ERC1: variants seen among roughly 807,000 people sequenced by gnomAD.
ERC1 encodes RAB6 interacting protein 2.
ERC1 carries 56 observed loss-of-function variants against 132.0 expected under a neutral mutation model. That is an observed-to-expected ratio of 0.42 (90% CI 0.34 to 0.53). The LOEUF (loss-of-function observed/expected upper bound fraction) is 0.53. Among genes scored for constraint, ERC1 ranks in the 20% least tolerant of loss-of-function variants. The pLI, the probability that ERC1 is intolerant of heterozygous loss-of-function variation, is 0.03. For synonymous variants in ERC1, 478 were observed against 476.1 expected, an observed-to-expected ratio of 1.00 and a Z score of -0.05; for missense variants, 1,202 against 1,349.9, an observed-to-expected ratio of 0.89 and a Z score of 1.72.
intron 14 of ERC1, among the ~76,000 whole-genome samples, chr12:1,286,528 G>A (rs535744768): frequency 2.0e-5 from 3 of 151,992 alleles, no homozygotes; most frequent in Non-Finnish European, 4.4e-5. Flanking sequence ...TTTAAAGATA[G>A]GAATAAAATA....
At chr12:1,366,405 TGAAAG>T (rs927831725) in intron 15 of ERC1, among the ~76,000 whole-genome samples, 3 of 152,162 alleles carry the variant, frequency 2.0e-5, no homozygotes, top group Non-Finnish European at 4.4e-5. Context: ...ATGTAAGTGC[TGAAAG>T]GAGATGCTGA....
At chr12:1,153,653 A>G (rs1486196478) in intron 8 of ERC1, among the ~76,000 whole-genome samples, 1 of 152,252 alleles carries the variant, frequency 6.6e-6, no homozygotes, top group African/African-American at 2.4e-5. Context: ...CAAAGCTTGA[A>G]GAATGCATGA....
intron 2 of ERC1, among the ~76,000 whole-genome samples, chr12:1,057,527 C>CT (rs35389600): frequency 0.044 from 6,188 of 141,796 alleles, 217 homozygotes; most frequent in African/African-American, 0.1. Context: ...TTTTATTGTA[C>CT]TTTTTTTTTA....
intron 8 of ERC1, among the ~76,000 whole-genome samples, chr12:1,165,563 C>T (rs966415006): frequency 1.6e-4 from 25 of 152,008 alleles, no homozygotes; most frequent in African/African-American, 6.0e-4. Flanking sequence ...GCCTCGGCCT[C>T]CCAAAGTGCT....
At chr12:1,308,316 C>G (rs1204582120) in intron 15 of ERC1, among the ~76,000 whole-genome samples, 2 of 150,480 alleles carry the variant, frequency 1.3e-5, no homozygotes, top group Non-Finnish European at 2.9e-5. Context: ...AAATAAAGAC[C>G]TGAGATAAAG....
intron 8 of ERC1, among the ~76,000 whole-genome samples, chr12:1,173,519 A>G (rs536261275): frequency 6.6e-6 from 1 of 152,232 alleles, no homozygotes; most frequent in African/African-American, 2.4e-5. Flanking sequence ...TTTTATCTTT[A>G]TGTTCTAGTA....
At chr12:1,057,978 T>C (rs1412348157) in intron 2 of ERC1, among the ~76,000 whole-genome samples, 2 of 152,174 alleles carry the variant, frequency 1.3e-5, no homozygotes, top group Admixed American at 6.5e-5. Context: ...TTAGATCCTT[T>C]GCCCATTTTA....
chr12:1,083,239 G>A lies in ERC1; in HGVS notation c.745G>A (p.Asp249Asn), dbSNP rs1419851982. Residue 249 changes from aspartate to asparagine, a missense_variant, in exon 3 of 19, where the codon GAT becomes AAT. Transcript: ENST00000360905. ...GGACCTGAATCAGCTGTTTCAGCAG[G>A]ATAGTAGCAGCAGGACTGGCGAACC... Reference protein sequence around the residue: ...QRDLNQLFQQDSSSRTGEPCV... With the variant: ...QRDLNQLFQQNSSSRTGEPCV... 3 of 1,614,102 alleles carry A rather than the reference G, an allele frequency of 1.9e-6. No individual in the cohort carries two copies. In the Admixed American group the frequency reaches 5.0e-5, roughly 27 times the overall value.
Position 1,317,411 on chromosome 12 carries a change from G to C in ERC1, c.2780+27399G>C, listed in dbSNP as rs145497788. Among the ~76,000 whole-genome samples, 842 of 152,160 alleles carry C rather than the reference G, an allele frequency of 5.5e-3. 9 individuals carry two copies. Among genetic ancestry groups the C allele is most frequent in the African/African-American group, 0.019 (801 of 41,500 alleles). The stretch of plus-strand genomic sequence containing the variant: ...ACACACGGCCTGTCGGGGGATCAGG[G>C]GCTAGGAAAGGGATAGCATTAGGAG... On this transcript the variant is annotated intron_variant, in intron 15 of 18. Transcript: ENST00000360905.
rs58573421 is a variant in ERC1 at position 1,440,428 on chromosome 12, G to T, written c.3025-4134G>T. On this transcript the variant is annotated intron_variant, in intron 17 of 18. Transcript: ENST00000360905. ...TCACCGTGTTAGCCAGGATGGTCTC[G>T]ATCTCCTGACCTCGTGATCTGCCCT... Among the ~76,000 whole-genome samples, 166 of 149,132 alleles carry T rather than the reference G, an allele frequency of 1.1e-3. 12 individuals are homozygous for T. The highest frequency in any genetic ancestry group is 3.6e-3 in the African/African-American group (143 of 40,188).
intron 7 of ERC1, among the ~76,000 whole-genome samples, chr12:1,126,242 GA>G (rs774468827): frequency 2.6e-5 from 4 of 152,178 alleles, no homozygotes; most frequent in African/African-American, 4.8e-5. Context: ...TGTGAGACAT[GA>G]AAATACAGAG....
intron 14 of ERC1, among the ~76,000 whole-genome samples, chr12:1,271,741 T>G (rs2077872615): frequency 6.6e-6 from 1 of 152,210 alleles, no homozygotes; most frequent in African/African-American, 2.4e-5. Context: ...AGATCCAAAG[T>G]TATGAAATAG....
chr12:1,117,659 A>C (rs1946594433), intron 7 of ERC1, among the ~76,000 whole-genome samples: 1 of 152,170 alleles, frequency 6.6e-6, no homozygotes, highest in Non-Finnish European at 1.5e-5. Flanking sequence ...TTAACTCATA[A>C]GTTTGTTGTT....
chr12:1,334,120 T>C (rs542213233), intron 15 of ERC1, among the ~76,000 whole-genome samples: 2 of 152,336 alleles, frequency 1.3e-5, no homozygotes, highest in East Asian at 3.9e-4. Context: ...TTAAGCTCTT[T>C]ATGGATCCTG....
chr12:1,363,702 G>A (rs2086382314), intron 15 of ERC1, among the ~76,000 whole-genome samples: 1 of 151,858 alleles, frequency 6.6e-6, no homozygotes, highest in Non-Finnish European at 1.5e-5. Context: ...CTATAGGCAT[G>A]CACCACCAGG....
At chr12:1,400,913 TGTA>T (rs373689419) in intron 16 of ERC1, among the ~76,000 whole-genome samples, 19,928 of 74,594 alleles carry the variant, frequency 0.27, 2,948 homozygotes, top group African/African-American at 0.35. Context: ...TGGCTATTTT[TGTA>T]TTTTTTTTTT....
chr12:1,491,382 C>G lies in ERC1; in HGVS notation c.*1152C>G, dbSNP rs1330502604. 1.3e-5 allele frequency: 3 copies of G among 230,976 alleles called. No individual in the cohort carries two copies. Among genetic ancestry groups the G allele is most frequent in the Non-Finnish European group, 2.6e-5 (3 of 116,704 alleles). The allele number at this position is 230,976 out of a possible 1,614,324, so 14.3% of individuals were successfully genotyped here. A position where few individuals can be genotyped will look rare whatever the true frequency, so the allele number is the denominator to read the frequency against. ...GAAGGTTTTTCCTCCTACACACATTCCTTCCTCGGTTATTTCATTCAGAGA... is the reference window on the plus strand; with the variant it reads ...GAAGGTTTTTCCTCCTACACACATTGCTTCCTCGGTTATTTCATTCAGAGA... On this transcript the variant is annotated 3_prime_UTR_variant, in exon 19 of 19. Coordinates refer to ENST00000360905, the MANE Select transcript of ERC1 (RefSeq NM_178040.4).
rs1940200339 is a variant in ERC1 at position 1,132,599 on chromosome 12, A to G, written c.1570-9021A>G. ...GGGTGCCTTTCATAAAGAGGCAGCA[A>G]TGTGGGGTCTCACAAATGTTGTCCT... On this transcript the variant is annotated intron_variant, in intron 7 of 18. Transcript: ENST00000360905. Among the ~76,000 whole-genome samples the G allele has an allele frequency of 2.0e-5, 3 of 152,186 alleles. 1 individual carries two copies. The South Asian group carries it at 6.2e-4, about 31-fold the overall frequency.
chr12:1,151,612 C>T (rs1032335903), intron 8 of ERC1, among the ~76,000 whole-genome samples: 6 of 152,210 alleles, frequency 3.9e-5, no homozygotes, highest in Non-Finnish European at 8.8e-5. Flanking sequence ...CACCAGGAAA[C>T]CATCCTTTGA....
Sources: allele counts gnomAD v4.1 joint callset (sites outside exome capture counted in the v4.1 genomes callset), GRCh38; gene constraint gnomAD v4.1.1; transcripts MANE v1.5; gene names NCBI Gene and HGNC (gene_info 2026-07-23, HGNC 2026-07-21).